VAV3: variants seen among roughly 807,000 people sequenced by gnomAD.
VAV3 encodes the protein vav guanine nucleotide exchange factor 3.
VAV3 carries 94 observed loss-of-function variants against 131.2 expected under a neutral mutation model. The ratio of observed to expected loss-of-function variants is 0.72; its 90% CI spans 0.61 to 0.85. The LOEUF (loss-of-function observed/expected upper bound fraction) is 0.85, where lower values mean the gene tolerates loss of function less well. Among genes scored for constraint, VAV3 ranks in the 40% least tolerant of loss-of-function variants. The probability of loss-of-function intolerance (pLI) is 0.00; values close to 1 mark genes in which losing one functional copy is unlikely to be tolerated. For synonymous variants in VAV3, 349 were observed against 342.0 expected (o/e 1.02, Z -0.22); for missense variants, 939 against 1,002.7 (o/e 0.94, Z 0.86).
At chr1:107,947,663 G>A (rs535171375) in intron 1 of VAV3, among the ~76,000 whole-genome samples, 23 of 152,292 alleles carry the variant, frequency 1.5e-4, no homozygotes, top group East Asian at 3.9e-4. Context: ...GAGTTGAACC[G>A]AGGTCTGGCC....
intron 2 of VAV3, among the ~76,000 whole-genome samples, chr1:107,793,907 T>C (rs983372190): frequency 6.6e-6 from 1 of 152,218 alleles, no homozygotes; most frequent in East Asian, 1.9e-4. Context: ...ACAAGCATTA[T>C]GAAAACAGGG....
chr1:107,933,459 A>G (rs1571159581), intron 1 of VAV3, among the ~76,000 whole-genome samples: 1 of 152,142 alleles, frequency 6.6e-6, no homozygotes, highest in East Asian at 1.9e-4. Context: ...CTTCAAGGTT[A>G]GCAATTAGAA....
In VAV3 at chr1:107,874,909, A is replaced by T; in HGVS notation, c.313T>A (p.Phe105Ile). ...AAATGAAGTATAATTACCTTTCCAA[A>T]GTCACGAACATCAAACAAGTCAAAT... ...EAFDLFDVRD[F>I]GKVIETLSRL... Residue 105 changes from phenylalanine (F) to isoleucine (I), a missense_variant, in exon 2 of 27, where the codon TTT (phenylalanine) becomes ATT (isoleucine). Coordinates refer to ENST00000370056, the MANE Select transcript of VAV3 (RefSeq NM_006113.5). 6.2e-7 allele frequency: 1 copy of T among 1,612,986 alleles called. No individual in the cohort carries two copies. Among genetic ancestry groups the T allele is most frequent in the Non-Finnish European group, 8.5e-7 (1 of 1,179,262 alleles).
intron 10 of VAV3, among the ~76,000 whole-genome samples, chr1:107,758,566 C>CA (rs974759613): frequency 1.3e-5 from 2 of 152,012 alleles, no homozygotes; most frequent in African/African-American, 2.4e-5. Flanking sequence ...TCTCTTAAAA[C>CA]AAAAAACAAC....
chr1:107,707,618 C>T (rs777537232), intron 15 of VAV3, among the ~76,000 whole-genome samples: 9 of 152,200 alleles, frequency 5.9e-5, no homozygotes, highest in Non-Finnish European at 1.3e-4. Context: ...GAATCTCCAG[C>T]ACAACGACTT....
chr1:107,848,098 G>A (rs1406578902), intron 2 of VAV3, among the ~76,000 whole-genome samples: 2 of 152,090 alleles, frequency 1.3e-5, no homozygotes, highest in Non-Finnish European at 2.9e-5. Flanking sequence ...TGAATTGCAA[G>A]GTGAGGAGAT....
In VAV3 at chr1:107,949,873, G is replaced by C. The variant is rs560139819; in HGVS notation, c.204+14793C>G. ...AGTTTTCTGCTAAACCTACATTGTGGAGTATTGATAAGTGACAGAATTACT... is the reference window on the plus strand; with the variant it reads ...AGTTTTCTGCTAAACCTACATTGTGCAGTATTGATAAGTGACAGAATTACT... On this transcript the variant is annotated intron_variant, in intron 1 of 26. Transcript: ENST00000370056. Among the ~76,000 whole-genome samples the C allele has an allele frequency of 2.0e-5, 3 of 152,280 alleles. No individual in the cohort carries two copies. The Middle Eastern group carries it at 0.01, about 518-fold the overall frequency.
At position 107,917,413 on chromosome 1, in the gene VAV3, T is replaced by G. The variant is rs368121115; in HGVS notation, c.205-42396A>C. On this transcript the variant is annotated intron_variant, in intron 1 of 26. Coordinates refer to ENST00000370056, the MANE Select transcript of VAV3 (RefSeq NM_006113.5). Reference sequence around the variant, plus strand: ...AATTTTATAGATAAGGGAACTAAGATTCAACAAGTTAGGTAACTGCCAGAA... The same window carrying G: ...AATTTTATAGATAAGGGAACTAAGAGTCAACAAGTTAGGTAACTGCCAGAA... 7.3e-4 allele frequency among the ~76,000 whole-genome samples: 111 copies of G among 152,286 alleles called. 1 individual carries two copies. In the South Asian group the frequency reaches 0.011, roughly 15 times the overall value.
At chr1:107,668,068 G>A (rs1219705945) in intron 19 of VAV3, among the ~76,000 whole-genome samples, 1 of 152,058 alleles carries the variant, frequency 6.6e-6, no homozygotes, top group Non-Finnish European at 1.5e-5. Flanking sequence ...TTCACATCAA[G>A]GTCATATTTC....
At chr1:107,626,362 C>G (rs1654013068) in intron 20 of VAV3, among the ~76,000 whole-genome samples, 1 of 152,210 alleles carries the variant, frequency 6.6e-6, no homozygotes, top group African/African-American at 2.4e-5. Context: ...CAAGGCCTCC[C>G]TTGTTCTAGT....
intron 17 of VAV3, among the ~76,000 whole-genome samples, chr1:107,701,189 G>A (rs192486572): frequency 8.9e-4 from 136 of 152,204 alleles, no homozygotes; most frequent in Admixed American, 1.6e-3. Context: ...GTGCCTTGTA[G>A]ACTCTGGTTA....
chr1:107,779,330 G>A, intron 3 of VAV3, 104 bp downstream of exon 3: 1 of 996,732 alleles, frequency 1.0e-6, no homozygotes, highest in Non-Finnish European at 1.4e-6. Context: ...TCATGAATGA[G>A]ACATAGTACC....
At position 107,768,439 on chromosome 1, in the gene VAV3, A is replaced by G. The variant is rs780365301; in HGVS notation, c.717+2T>C. 1 of 1,609,730 alleles carries G rather than the reference A, an allele frequency of 6.2e-7. No homozygotes were observed. Among genetic ancestry groups the G allele is most frequent in the Non-Finnish European group, 8.5e-7 (1 of 1,177,878 alleles). Reference sequence around the variant, plus strand: ...AATTTTAGCTAGCATATTTTTACTCACAGGAATGTTGATGAATACTGAATC... The same window carrying G: ...AATTTTAGCTAGCATATTTTTACTCGCAGGAATGTTGATGAATACTGAATC... On this transcript the variant is annotated splice_donor_variant, in intron 7 of 26. Coordinates refer to ENST00000370056, the MANE Select transcript of VAV3 (RefSeq NM_006113.5). LOFTEE classifies it high-confidence loss of function.
intron 20 of VAV3, among the ~76,000 whole-genome samples, chr1:107,619,534 T>C (rs768358561): frequency 6.6e-6 from 1 of 152,208 alleles, no homozygotes; most frequent in South Asian, 2.1e-4. Context: ...GTGCAAAATA[T>C]AAAGGAGTGT....
Position 107,787,396 on chromosome 1 carries a change from AAC to A in VAV3, c.322-7906_322-7905del, listed in dbSNP as rs559887075. On this transcript the variant is annotated intron_variant, in intron 2 of 26. Transcript: ENST00000370056. ...ATAACAATGAAGGGTACTGAGGGAA[AAC>A]ACAGACTAGTATGACAAGCAACATC... Among the ~76,000 whole-genome samples the A allele has an allele frequency of 6.6e-5, 10 of 152,356 alleles. No individual in the cohort carries two copies. In the East Asian group the frequency reaches 1.7e-3, roughly 26 times the overall value.
chr1:107,920,282 A>G (rs1571142801), intron 1 of VAV3, among the ~76,000 whole-genome samples: 1 of 152,378 alleles, frequency 6.6e-6, no homozygotes, highest in East Asian at 1.9e-4. Context: ...GCTTCACTTA[A>G]TAGTTGAAAA....
At chr1:107,644,182 T>G (rs1162993877) in intron 19 of VAV3, among the ~76,000 whole-genome samples, 2 of 152,278 alleles carry the variant, frequency 1.3e-5, no homozygotes, top group Admixed American at 1.3e-4. Context: ...GCAAATGCCT[T>G]TAGTATAGAG....
At chr1:107,929,326 T>C (rs1400481164) in intron 1 of VAV3, among the ~76,000 whole-genome samples, 1 of 148,596 alleles carries the variant, frequency 6.7e-6, no homozygotes, top group Non-Finnish European at 1.5e-5. Context: ...TAGAACAGTA[T>C]ATTCAGTGAA....
intron 1 of VAV3, among the ~76,000 whole-genome samples, chr1:107,906,632 C>T (rs1672121592): frequency 6.6e-6 from 1 of 152,086 alleles, no homozygotes; most frequent in Admixed American, 6.5e-5. Flanking sequence ...CGCCACTGCA[C>T]TCCAGCCTGG....
Sources: gnomAD v4.1 joint callset for allele counts (sites outside exome capture counted in the v4.1 genomes callset) on GRCh38, gnomAD v4.1.1 for gene constraint, MANE v1.5 for transcripts, NCBI Gene and HGNC (gene_info 2026-07-23, HGNC 2026-07-21) for gene names.